The following COL15A1 variants were observed in gnomAD, a reference collection of about 807,000 sequenced individuals.
The protein encoded by COL15A1 is collagen alpha-1(XV) chain.
Under a neutral mutation model 165.9 loss-of-function variants are expected in COL15A1, and 111 were observed. The observed-to-expected ratio is 0.67, with a 90% CI of 0.57 to 0.78. COL15A1 has a LOEUF of 0.78. Ranked by LOEUF, COL15A1 falls within the 30% of genes least tolerant of loss-of-function variation. The pLI is 0.00. For missense variants in COL15A1, 1,745 were observed against 1,789.7 expected, an observed-to-expected ratio of 0.98 and a Z score of 0.45; for synonymous variants, 659 against 674.8, an observed-to-expected ratio of 0.98 and a Z score of 0.36.
At chr9:98,948,950 T>C (rs79221879) in intron 2 of COL15A1, among the ~76,000 whole-genome samples, 1,765 of 152,350 alleles carry the variant, frequency 0.012, 39 homozygotes, top group African/African-American at 0.04. Flanking sequence ...CAGATGAAGA[T>C]ATAGGATAAT....
intron 2 of COL15A1, among the ~76,000 whole-genome samples, chr9:98,949,335 G>A (rs188119522): frequency 1.2e-4 from 19 of 152,244 alleles, no homozygotes; most frequent in African/African-American, 3.1e-4. Flanking sequence ...TAATAGTGTC[G>A]CTCTGAACAT....
At chr9:99,050,284 C>T (rs958378660) in intron 30 of COL15A1, among the ~76,000 whole-genome samples, 1 of 152,248 alleles carries the variant, frequency 6.6e-6, no homozygotes. Context: ...ACTAACTATG[C>T]TGCCCTTTCC....
chr9:98,994,048 A>C (rs904753457), intron 5 of COL15A1, among the ~76,000 whole-genome samples: 1 of 139,996 alleles, frequency 7.1e-6, no homozygotes, highest in African/African-American at 2.7e-5. Flanking sequence ...TGCTGTTGGA[A>C]TTAACATCCC....
At chr9:98,979,454 G>A (rs1225489008) in intron 2 of COL15A1, among the ~76,000 whole-genome samples, 1 of 152,110 alleles carries the variant, frequency 6.6e-6, no homozygotes, top group Non-Finnish European at 1.5e-5. Context: ...TATGAATGAG[G>A]TTGAGTATTT....
At chr9:98,947,480 C>T (rs1180548297) in intron 2 of COL15A1, among the ~76,000 whole-genome samples, 1 of 152,130 alleles carries the variant, frequency 6.6e-6, no homozygotes, top group Non-Finnish European at 1.5e-5. Flanking sequence ...AATAATCTAA[C>T]TATACATTTA....
intron 2 of COL15A1, among the ~76,000 whole-genome samples, chr9:98,960,275 C>T (rs1334368901): frequency 6.6e-6 from 1 of 152,086 alleles, no homozygotes; most frequent in Non-Finnish European, 1.5e-5. Context: ...TGACATGTGC[C>T]TGTACTCCCA....
chr9:98,986,616 T>G (rs1023237877), intron 3 of COL15A1, among the ~76,000 whole-genome samples: 3 of 152,202 alleles, frequency 2.0e-5, no homozygotes, highest in Non-Finnish European at 4.4e-5. Flanking sequence ...TTAAACTGAC[T>G]TTACTATCAA....
At chr9:98,987,267 G>A (rs1404456654) in intron 3 of COL15A1, 27 bp from the exon 4 acceptor site, 1 of 1,608,572 alleles carries the variant, frequency 6.2e-7, no homozygotes, top group East Asian at 2.2e-5. Context: ...TGCAAACCGT[G>A]GCTTCTGATC....
chr9:98,980,510 C>T (rs1306273111), intron 2 of COL15A1, among the ~76,000 whole-genome samples: 2 of 152,178 alleles, frequency 1.3e-5, no homozygotes, highest in African/African-American at 4.8e-5. Context: ...GTCCCTGGGA[C>T]AGCATGGGGC....
rs139667111 is a variant in COL15A1 at position 98,987,330 on chromosome 9, A to G, written c.685A>G (p.Arg229Gly). Residue 229 changes from arginine to glycine, a missense_variant, in exon 4 of 42, where the codon AGG becomes GGG. Transcript: ENST00000375001. ...LQQLTVHPDP[R>G]TPEELCDPEE... ...GCAGCTCACCGTGCACCCCGACCCC[A>G]GGACTCCCGAGGAGCTGTGTGACCC... 8.7e-6 allele frequency: 14 copies of G among 1,613,334 alleles called. No individual in the cohort carries two copies. Among genetic ancestry groups the G allele is most frequent in the Non-Finnish European group, 1.2e-5 (14 of 1,179,724 alleles).
intron 16 of COL15A1, among the ~76,000 whole-genome samples, chr9:99,031,682 G>T (rs1028968194): frequency 6.6e-6 from 1 of 152,198 alleles, no homozygotes; most frequent in African/African-American, 2.4e-5. Context: ...GGTTTTCTGT[G>T]CCCTGGCAGA....
chr9:99,025,459 A>G (rs559773052), intron 15 of COL15A1, among the ~76,000 whole-genome samples: 1 of 152,340 alleles, frequency 6.6e-6, no homozygotes, highest in South Asian at 2.1e-4. Flanking sequence ...AGGCTAAGCT[A>G]TGATGTTCAG....
chr9:99,024,277 G>GT (rs773196929), intron 14 of COL15A1, among the ~76,000 whole-genome samples: 1,738 of 108,506 alleles, frequency 0.016, 99 homozygotes, highest in African/African-American at 0.036. Context: ...AGTTTTTTTT[G>GT]TTTTTTTGTT....
chr9:99,023,469 C>G lies in COL15A1; in HGVS notation c.1854+20C>G, dbSNP rs752286107. The G allele has an allele frequency of 9.1e-7, 1 of 1,101,334 alleles. No individual in the cohort carries two copies. The highest frequency in any genetic ancestry group is 1.4e-6 in the Non-Finnish European group (1 of 716,484). The allele number at this position is 1,101,334 out of a possible 1,614,324, so 68.2% of individuals were successfully genotyped here. On this transcript the variant is annotated intron_variant, in intron 14 of 41. Transcript: ENST00000375001. ...CTGAGAGTGAGTGTGAAGGAGGACA[C>G]GACCTGGTGTCTGGGACTGCCTTCA...
chr9:99,062,503 T>C (rs545724802), intron 38 of COL15A1, among the ~76,000 whole-genome samples, 199 bp downstream of exon 38: 8 of 152,354 alleles, frequency 5.3e-5, no homozygotes, highest in Admixed American at 1.3e-4. Context: ...ATCCAGAGGC[T>C]GGAGACCTGC....
At chr9:98,990,249 G>A (rs534210329) in intron 5 of COL15A1, among the ~76,000 whole-genome samples, 1 of 152,328 alleles carries the variant, frequency 6.6e-6, no homozygotes, top group East Asian at 1.9e-4. Flanking sequence ...GGCCCAGATA[G>A]GGGAAGACAC....
chr9:99,068,999 A>G (rs1825940963), intron 41 of COL15A1, among the ~76,000 whole-genome samples: 1 of 152,234 alleles, frequency 6.6e-6, no homozygotes, highest in Admixed American at 6.5e-5. Context: ...TGGGCACATA[A>G]TAAGTGGTAA....
intron 2 of COL15A1, among the ~76,000 whole-genome samples, chr9:98,951,558 C>T (rs562936631): frequency 8.5e-5 from 13 of 152,110 alleles, no homozygotes; most frequent in Admixed American, 3.3e-4. Flanking sequence ...TAGGCTAGTG[C>T]CATTTTTATT....
intron 26 of COL15A1, among the ~76,000 whole-genome samples, chr9:99,046,001 A>G (rs1408286682): frequency 3.3e-5 from 5 of 152,248 alleles, no homozygotes; most frequent in Non-Finnish European, 7.3e-5. Context: ...AGAAGAGTGG[A>G]CACCCAAAGT....
Sources: gnomAD v4.1 joint callset for allele counts (sites outside exome capture counted in the v4.1 genomes callset) on GRCh38, gnomAD v4.1.1 for gene constraint, MANE v1.5 for transcripts, NCBI Gene and HGNC (gene_info 2026-07-23, HGNC 2026-07-21) for gene names.